MAN1A1: variants seen among roughly 807,000 people sequenced by gnomAD.
The protein encoded by MAN1A1 is mannosidase alpha class 1A member 1, also known as mannosyl-oligosaccharide 1,2-alpha-mannosidase IA.
Under a neutral mutation model 70.8 loss-of-function variants are expected in MAN1A1, and 29 were observed. That is an observed-to-expected ratio of 0.41 (90% CI 0.31 to 0.56). The LOEUF (loss-of-function observed/expected upper bound fraction) is 0.56. Among genes scored for constraint, MAN1A1 ranks in the 20% least tolerant of loss-of-function variants. The pLI is 0.29. For missense variants in MAN1A1, 747 were observed against 841.3 expected (o/e 0.89, Z 1.39); for synonymous variants, 349 against 330.1 (o/e 1.06, Z -0.62).
At position 119,180,696 on chromosome 6, in the gene MAN1A1, T is replaced by G. The variant is rs530144203; in HGVS notation, c.1720-269A>C. Among the ~76,000 whole-genome samples the G allele has an allele frequency of 6.6e-5, 10 of 152,158 alleles. No individual in the cohort carries two copies. In the South Asian group the frequency reaches 1.9e-3, roughly 28 times the overall value. On this transcript the variant is annotated intron_variant, in intron 11 of 12. Coordinates refer to ENST00000368468, the MANE Select transcript of MAN1A1 (RefSeq NM_005907.4). ...CCTGGCTAATTTTTTGTATTTTTTGTAGAGATAGGGTTTTGCCATGTTGCC... is the reference window on the plus strand; with the variant it reads ...CCTGGCTAATTTTTTGTATTTTTTGGAGAGATAGGGTTTTGCCATGTTGCC...
chr6:119,318,178 CA>C (rs1258163288), intron 2 of MAN1A1, among the ~76,000 whole-genome samples: 1 of 152,094 alleles, frequency 6.6e-6, no homozygotes, highest in Non-Finnish European at 1.5e-5. Flanking sequence ...TGGTGTGTCC[CA>C]AAAATGTATT....
At position 119,343,135 on chromosome 6, in the gene MAN1A1, TG is replaced by T. The variant is rs765442586; in HGVS notation, c.603+5327del. The stretch of plus-strand genomic sequence containing the variant: ...AAAACTACTTTGATCCATCGTTGGC[TG>T]AAAAAAAAAAAAAGAAAAACCACCA... On this transcript the variant is annotated intron_variant, in intron 2 of 12. Transcript: ENST00000368468. Among the ~76,000 whole-genome samples the T allele has an allele frequency of 7.8e-4, 116 of 149,268 alleles. No homozygotes were observed. The Middle Eastern group carries it at 0.01, about 13-fold the overall frequency.
At chr6:119,302,675 C>T (rs757821921) in intron 3 of MAN1A1, among the ~76,000 whole-genome samples, 5 of 152,180 alleles carry the variant, frequency 3.3e-5, no homozygotes, top group Non-Finnish European at 5.9e-5. Flanking sequence ...CCACCATACC[C>T]GGCCTGTGAT....
chr6:119,329,649 G>A (rs902141877), intron 2 of MAN1A1, among the ~76,000 whole-genome samples: 4 of 152,170 alleles, frequency 2.6e-5, no homozygotes, highest in African/African-American at 9.7e-5. Context: ...TGAGCAGAGG[G>A]GGCCAGCTGC....
At chr6:119,262,868 A>C (rs1775647731) in intron 5 of MAN1A1, among the ~76,000 whole-genome samples, 1 of 152,234 alleles carries the variant, frequency 6.6e-6, no homozygotes, top group South Asian at 2.1e-4. Context: ...CAAAGTATAA[A>C]TCCTGGGTGT....
intron 6 of MAN1A1, among the ~76,000 whole-genome samples, chr6:119,213,059 T>G (rs1774096282): frequency 6.6e-6 from 1 of 152,140 alleles, no homozygotes; most frequent in Non-Finnish European, 1.5e-5. Flanking sequence ...ATAATTAGGG[T>G]GTAATTTTTA....
chr6:119,300,282 G>A (rs187056954), intron 4 of MAN1A1, among the ~76,000 whole-genome samples: 18 of 150,760 alleles, frequency 1.2e-4, no homozygotes, highest in East Asian at 7.8e-4. Context: ...TTGAGACGGC[G>A]TCTTGCTCTA....
chr6:119,329,993 G>C (rs1773265820), intron 2 of MAN1A1, among the ~76,000 whole-genome samples: 1 of 152,108 alleles, frequency 6.6e-6, no homozygotes, highest in East Asian at 1.9e-4. Flanking sequence ...AAATGCTCCA[G>C]AGTGCCACAC....
Position 119,348,520 on chromosome 6 carries a change from C to T in MAN1A1, c.546G>A (p.Val182=). ...CGGCGTCGGCGGGCTCCCGGCTCTC[C>T]ACCCCGATTGGGGGCACGAAGTCCA... The part of the protein sequence containing the change: ...PPVDFVPPIG[V]ESREPADAAI... The change falls in exon 2 of 13, where the codon GTG becomes GTA. Residue 182 remains valine (V), a synonymous_variant. Coordinates refer to ENST00000368468, the MANE Select transcript of MAN1A1 (RefSeq NM_005907.4). 1 of 1,612,280 alleles carries T rather than the reference C, an allele frequency of 6.2e-7. No individual in the cohort carries two copies. The highest frequency in any genetic ancestry group is 1.1e-5 in the South Asian group (1 of 90,792).
At chr6:119,235,200 C>T (rs147507002) in intron 6 of MAN1A1, among the ~76,000 whole-genome samples, 76 of 152,280 alleles carry the variant, frequency 5.0e-4, no homozygotes, top group South Asian at 1.7e-3. Context: ...AAGTGAGAAT[C>T]GCATGCCTCT....
chr6:119,307,033 G>A (rs6915947), intron 2 of MAN1A1, 41 bp from the exon 3 acceptor site: 521,254 of 1,358,424 alleles, frequency 0.38, 104,985 homozygotes, highest in Non-Finnish European at 0.41. Flanking sequence ...TTTGAATGGA[G>A]ATGTTTTTGC....
intron 2 of MAN1A1, among the ~76,000 whole-genome samples, chr6:119,335,967 A>C (rs1415866622): frequency 6.6e-6 from 1 of 152,234 alleles, no homozygotes; most frequent in Non-Finnish European, 1.5e-5. Context: ...AGCTGAAGTC[A>C]CTGGACCAGA....
intron 5 of MAN1A1, among the ~76,000 whole-genome samples, chr6:119,282,824 T>C (rs556223527): frequency 7.9e-5 from 12 of 152,322 alleles, no homozygotes; most frequent in Non-Finnish European, 1.3e-4. Flanking sequence ...TGTTCCTTTC[T>C]AGGAAATTGG....
chr6:119,246,253 G>A (rs936020798), intron 6 of MAN1A1, among the ~76,000 whole-genome samples: 1 of 152,046 alleles, frequency 6.6e-6, no homozygotes, highest in African/African-American at 2.4e-5. Context: ...TACCTTCCAG[G>A]AAACGAGAGA....
intron 5 of MAN1A1, among the ~76,000 whole-genome samples, chr6:119,268,671 T>C (rs1323420304): frequency 2.0e-5 from 3 of 152,040 alleles, no homozygotes; most frequent in African/African-American, 7.2e-5. Context: ...ACTGCAGCCT[T>C]GACCTCCCGG....
chr6:119,182,500 G>C (rs528543465), intron 11 of MAN1A1, among the ~76,000 whole-genome samples: 15 of 150,846 alleles, frequency 9.9e-5, no homozygotes, highest in African/African-American at 3.6e-4. Context: ...TTACATTTAA[G>C]TCTTTAATTC....
intron 5 of MAN1A1, among the ~76,000 whole-genome samples, chr6:119,263,441 A>G (rs1311725241): frequency 6.6e-6 from 1 of 152,136 alleles, no homozygotes; most frequent in Non-Finnish European, 1.5e-5. Context: ...TGTAAGTGGG[A>G]GCTAAACATT....
intron 6 of MAN1A1, among the ~76,000 whole-genome samples, chr6:119,205,514 T>A (rs1033356593): frequency 6.6e-6 from 1 of 152,200 alleles, no homozygotes; most frequent in African/African-American, 2.4e-5. Flanking sequence ...AATTATGTTA[T>A]AAAAATCTGG....
At chr6:119,345,738 T>G (rs1043437574) in intron 2 of MAN1A1, among the ~76,000 whole-genome samples, 1 of 152,208 alleles carries the variant, frequency 6.6e-6, no homozygotes, top group African/African-American at 2.4e-5. Context: ...TAGACTTGAG[T>G]GCACTTTCTA....
Sources: allele counts gnomAD v4.1 joint callset (sites outside exome capture counted in the v4.1 genomes callset), GRCh38; gene constraint gnomAD v4.1.1; transcripts MANE v1.5; gene names NCBI Gene and HGNC (gene_info 2026-07-23, HGNC 2026-07-21).